FAN1: variants seen among roughly 807,000 people sequenced by gnomAD.
FAN1 encodes the protein fanconi-associated nuclease 1.
Under a neutral mutation model 104.9 loss-of-function variants are expected in FAN1, and 91 were observed. The ratio of observed to expected loss-of-function variants is 0.87; its 90% CI spans 0.73 to 1.03. FAN1 has a LOEUF of 1.03. Ranked by LOEUF, FAN1 falls within the 50% of genes least tolerant of loss-of-function variation. The pLI, the probability that FAN1 is intolerant of heterozygous loss-of-function variation, is 0.00. For missense variants in FAN1, 1,263 were observed against 1,239.9 expected (o/e 1.02, Z -0.28); for synonymous variants, 478 against 457.6 (o/e 1.04, Z -0.57).
At chr15:30,919,760 G>T (rs960997707) in intron 6 of FAN1, among the ~76,000 whole-genome samples, 3 of 152,020 alleles carry the variant, frequency 2.0e-5, no homozygotes, top group Admixed American at 6.6e-5. Flanking sequence ...AGTGGAAGTG[G>T]ATCATCATGA....
At chr15:30,911,199 T>C in intron 4 of FAN1, 1 of 1,002,968 alleles carries the variant, frequency 1.0e-6, no homozygotes, top group Middle Eastern at 5.0e-4. Context: ...AATGTGCAAG[T>C]TTTCCTGAGT....
chr15:30,940,782 T>TAGG, intron 14 of FAN1: 1 of 986,922 alleles, frequency 1.0e-6, no homozygotes, highest in Non-Finnish European at 1.2e-6. Flanking sequence ...AAAGTGAAAT[T>TAGG]ATATTTTCTT....
chr15:30,919,813 C>T (rs1488266484), intron 6 of FAN1, among the ~76,000 whole-genome samples: 1 of 151,524 alleles, frequency 6.6e-6, no homozygotes, highest in Non-Finnish European at 1.5e-5. Flanking sequence ...AGGCTGAGGA[C>T]GAGGAGAGAG....
rs57807297 is a variant in FAN1 at position 30,922,182 on chromosome 15, G to A, written c.2053-53G>A. ...ATCCTATGGGCTTGTAAATATCATT[G>A]CAGCTGGATTTTTTGTGAATCTAAT... On this transcript the variant is annotated intron_variant, in intron 7 of 14. Coordinates refer to ENST00000362065, the MANE Select transcript of FAN1 (RefSeq NM_014967.5). The A allele has an allele frequency of 6.9e-3, 10,975 of 1,586,098 alleles. 669 individuals are homozygous for A. The African/African-American group carries it at 0.13, about 19-fold the overall frequency.
chr15:30,941,322 A>G, intron 14 of FAN1: 1 of 1,530,460 alleles, frequency 6.5e-7, no homozygotes, highest in Non-Finnish European at 8.7e-7. Context: ...AAGAAGCATG[A>G]TTCAACATGT....
intron 12 of FAN1, among the ~76,000 whole-genome samples, chr15:30,929,774 ATATAT>A (rs540280343): frequency 0.067 from 1,399 of 20,786 alleles, 238 homozygotes; most frequent in East Asian, 0.19. Context: ...AAAATATATA[ATATAT>A]TATATCATAT....
At chr15:30,941,339 A>G (rs1216265757) in intron 14 of FAN1, 5 of 1,534,130 alleles carry the variant, frequency 3.3e-6, no homozygotes, top group African/African-American at 2.7e-5. Context: ...ATGTTTTTAA[A>G]TATTAGTGCA....
At chr15:30,926,035 G>A (rs1420857678) in intron 10 of FAN1, 96 bp downstream of exon 10, 1 of 1,258,768 alleles carries the variant, frequency 7.9e-7, no homozygotes, top group Non-Finnish European at 1.1e-6. Flanking sequence ...TCCTCTCTCT[G>A]TCCTCTGCTC....
intron 4 of FAN1, among the ~76,000 whole-genome samples, chr15:30,912,768 T>C (rs945443151): frequency 2.0e-5 from 3 of 152,210 alleles, no homozygotes; most frequent in African/African-American, 7.2e-5. Context: ...TAATGGCATC[T>C]AGTGACTAGA....
intron 10 of FAN1, chr15:30,926,673 G>A (rs1476897277): frequency 1.0e-6 from 1 of 985,434 alleles, no homozygotes. Flanking sequence ...CAGTAGGCCT[G>A]AAATGGTTAG....
Position 30,929,224 on chromosome 15 carries a change from A to C in FAN1, c.2614A>C (p.Thr872Pro). Residue 872 changes from threonine to proline, a missense_variant, in exon 12 of 15, where the codon ACA becomes CCA. By Grantham distance (38) the Thr-to-Pro change is conservative. Around this residue, in one of 2 missense-constraint regions of FAN1, gnomAD observed 581 missense variants for 668.8 expected, o/e 0.87. Coordinates refer to ENST00000362065, the MANE Select transcript of FAN1 (RefSeq NM_014967.5). ...ACAGGCATTCCCCCTGGACTTGTGC[A>C]CAGACAGCTTCTTCACAAGCAGACG... ...ACQAFPLDLC[T>P]DSFFTSRRPA... is the part of the protein sequence containing the mutation. 2 of 1,612,742 alleles carry C rather than the reference A, an allele frequency of 1.2e-6. No individual in the cohort carries two copies. Among genetic ancestry groups the C allele is most frequent in the Non-Finnish European group, 1.7e-6 (2 of 1,179,522 alleles).
At position 30,942,108 on chromosome 15, in the gene FAN1, C is replaced by T. The variant is rs1394627927; in HGVS notation, c.*546C>T. On this transcript the variant is annotated 3_prime_UTR_variant, in exon 15 of 15. Coordinates refer to ENST00000362065, the MANE Select transcript of FAN1 (RefSeq NM_014967.5). ...GAGATTTTATTATGTTCCGGGGATT[C>T]CCTTTTTAGAAAGATTGAAGGATGC... The T allele has an allele frequency of 6.4e-7, 1 of 1,570,734 alleles. No individual in the cohort carries two copies. The highest frequency in any genetic ancestry group is 8.6e-7 in the Non-Finnish European group (1 of 1,158,098).
chr15:30,916,227 A>G (rs1250436024), intron 5 of FAN1, among the ~76,000 whole-genome samples: 1 of 152,046 alleles, frequency 6.6e-6, no homozygotes, highest in Admixed American at 6.5e-5. Context: ...GAGAATGTAT[A>G]CTCTGAAGCC....
rs544555555 is a variant in FAN1, at chr15:30,922,325, T to C, written c.2143T>C (p.Leu715=). 2.3e-4 allele frequency: 367 copies of C among 1,613,688 alleles called. 2 individuals are homozygous for C. The East Asian group carries it at 5.5e-3, about 24-fold the overall frequency. The change falls in exon 8 of 15, where the codon TTA becomes CTA. Residue 715 remains leucine, a synonymous_variant. Coordinates refer to ENST00000362065, the MANE Select transcript of FAN1 (RefSeq NM_014967.5). ...ATGGTGGGATCGACTGGCCCTTAAT[T>C]TACACCAGCACTTGAAGCGCCTGGA... ...GRWWDRLALN[L]HQHLKRLEPT...
chr15:30,908,854 T>A (rs903285369), intron 3 of FAN1, among the ~76,000 whole-genome samples: 6 of 152,166 alleles, frequency 3.9e-5, no homozygotes, highest in African/African-American at 1.4e-4. Context: ...AAAAAATGGA[T>A]ACATCCCTTC....
In FAN1 at chr15:30,905,353, G is replaced by A. The variant is rs754469574; in HGVS notation, c.690G>A (p.Met230Ile). Residue 230 changes from methionine (M) to isoleucine (I), a missense_variant, in exon 2 of 15, where the codon ATG (methionine) becomes ATA (isoleucine). By Grantham distance (10) the Met-to-Ile change is conservative. Coordinates refer to ENST00000362065, the MANE Select transcript of FAN1 (RefSeq NM_014967.5). ...AGGAAGAGTGCATTCCTGAACATAT[G>A]GTAAGAGGAAGTAAAATAATGGAAG... ...SLKEECIPEH[M>I]VRGSKIMEAE... is the part of the protein sequence containing the mutation. 2.5e-6 allele frequency: 4 copies of A among 1,613,844 alleles called. No individual in the cohort carries two copies. The highest frequency in any genetic ancestry group is 1.1e-5 in the South Asian group (1 of 91,072).
Position 30,930,593 on chromosome 15 carries a change from C to T in FAN1, c.2838C>T (p.His946=), listed in dbSNP as rs748583829. The change falls in exon 13 of 15, where the codon CAC becomes CAT. Residue 946 remains histidine (H), a synonymous_variant. Coordinates refer to ENST00000362065, the MANE Select transcript of FAN1 (RefSeq NM_014967.5). ...GGPVLSGVCR[H]LAADFRHCRG... is the part of the protein sequence containing the mutation. ...CTGTGCTCAGTGGTGTGTGCAGGCACCTGGCTGCTGACTTTCGACACTGTC... is the reference window on the plus strand; with the variant it reads ...CTGTGCTCAGTGGTGTGTGCAGGCATCTGGCTGCTGACTTTCGACACTGTC... 17 of 1,612,964 alleles carry T rather than the reference C, an allele frequency of 1.1e-5. No individual in the cohort carries two copies. The highest frequency in any genetic ancestry group is 1.3e-5 in the African/African-American group (1 of 74,986).
chr15:30,916,531 C>T (rs1179357820), intron 5 of FAN1, among the ~76,000 whole-genome samples: 4 of 152,144 alleles, frequency 2.6e-5, no homozygotes, highest in Admixed American at 2.0e-4. Context: ...TGAGAACTCC[C>T]TTGGTTAAGC....
intron 10 of FAN1, chr15:30,927,423 C>G (rs530033047): frequency 2.0e-6 from 2 of 985,628 alleles, no homozygotes; most frequent in Non-Finnish European, 2.4e-6. Context: ...TTTTGAATCC[C>G]TGAGACGGGC....
Sources: gnomAD v4.1 joint callset for allele counts (sites outside exome capture counted in the v4.1 genomes callset) on GRCh38, gnomAD v4.1.1 for gene constraint, gnomAD v4.1.1 regional missense constraint, MANE v1.5 for transcripts, NCBI Gene and HGNC (gene_info 2026-07-23, HGNC 2026-07-21) for gene names.